Variants in ICA1L observed in about 807,000 individuals in gnomAD.
The protein encoded by ICA1L is islet cell autoantigen 1 like, also known as islet cell autoantigen 1-like protein.
ICA1L carries 50 observed loss-of-function variants against 61.3 expected under a neutral mutation model. That is an observed-to-expected ratio of 0.82 (90% CI 0.65 to 1.03). ICA1L has a LOEUF of 1.03. Among genes scored for constraint, ICA1L ranks in the 50% least tolerant of loss-of-function variants. The probability of loss-of-function intolerance (pLI) is 0.00; values close to 1 mark genes in which losing one functional copy is unlikely to be tolerated. For missense variants in ICA1L, 508 were observed against 556.7 expected, an observed-to-expected ratio of 0.91 and a Z score of 0.88; for synonymous variants, 161 against 191.3, an observed-to-expected ratio of 0.84 and a Z score of 1.31.
intron 1 of ICA1L, among the ~76,000 whole-genome samples, chr2:202,870,307 G>A (rs1687660038): frequency 6.6e-6 from 1 of 151,836 alleles, no homozygotes; most frequent in African/African-American, 2.4e-5. Context: ...TCTCATATTT[G>A]CAATTTTTCC....
intron 3 of ICA1L, 41 bp from the exon 4 acceptor site, chr2:202,821,522 T>C: frequency 6.7e-7 from 1 of 1,501,350 alleles, no homozygotes; most frequent in Non-Finnish European, 9.1e-7. Flanking sequence ...TTTCCTTTCA[T>C]CATTTGTTTA....
chr2:202,847,136 T>C (rs1313500574), intron 1 of ICA1L, among the ~76,000 whole-genome samples: 1 of 152,206 alleles, frequency 6.6e-6, no homozygotes, highest in African/African-American at 2.4e-5. Context: ...GCAGAGAGAC[T>C]AAACACAGAG....
intron 6 of ICA1L, 90 bp from the exon 7 acceptor site, chr2:202,816,099 C>A (rs993484239): frequency 4.1e-6 from 3 of 726,202 alleles, no homozygotes; most frequent in Admixed American, 3.5e-5. Context: ...AGTAGATGAA[C>A]AGTTGCCAAA....
chr2:202,821,685 A>C (rs1693706153), intron 3 of ICA1L: 1 of 348,118 alleles, frequency 2.9e-6, no homozygotes, highest in East Asian at 6.0e-5. Flanking sequence ...CTGGCTTCTT[A>C]TCAGCACTCC....
chr2:202,808,820 G>T (rs765444652), intron 9 of ICA1L, among the ~76,000 whole-genome samples: 7 of 152,206 alleles, frequency 4.6e-5, no homozygotes, highest in Non-Finnish European at 8.8e-5. Flanking sequence ...ACTGGGCTTG[G>T]GGTGCCCCTG....
At chr2:202,868,969 AAACAAC>A (rs371799768) in intron 1 of ICA1L, among the ~76,000 whole-genome samples, 57 of 151,792 alleles carry the variant, frequency 3.8e-4, no homozygotes, top group Admixed American at 1.2e-3. Context: ...CTCTGTCTCA[AAACAAC>A]AACAACAACA....
Position 202,775,207 on chromosome 2 carries a change from C to T in ICA1L, c.*4326G>A, listed in dbSNP as rs1318673893. 6.6e-6 allele frequency: 1 copy of T among 152,146 alleles called. No homozygotes were observed. Among genetic ancestry groups the T allele is most frequent in the Non-Finnish European group, 1.5e-5 (1 of 68,024 alleles). 9.4% of individuals were successfully genotyped at this position (152,146 alleles called of 1,614,324 possible). ...TCTACTAAATTAATATTTTAAAGTT[C>T]GTTTTTCCTTCCTAATTTCTATATT... On this transcript the variant is annotated 3_prime_UTR_variant, in exon 13 of 13. Transcript: ENST00000358299.
At chr2:202,866,676 G>A (rs979920672) in intron 1 of ICA1L, among the ~76,000 whole-genome samples, 2 of 152,176 alleles carry the variant, frequency 1.3e-5, no homozygotes, top group Non-Finnish European at 2.9e-5. Flanking sequence ...GGCGAGGCGC[G>A]GTAGCTCACG....
intron 1 of ICA1L, among the ~76,000 whole-genome samples, chr2:202,865,253 G>A (rs1204180425): frequency 6.6e-6 from 1 of 151,936 alleles, no homozygotes; most frequent in Non-Finnish European, 1.5e-5. Flanking sequence ...CGGGTCACTT[G>A]AGGTCAGGGG....
intron 8 of ICA1L, among the ~76,000 whole-genome samples, chr2:202,812,237 T>C (rs1693397718): frequency 6.6e-6 from 1 of 152,236 alleles, no homozygotes; most frequent in African/African-American, 2.4e-5. Flanking sequence ...TCAATACTAA[T>C]TTTGGATATT....
chr2:202,827,833 G>A (rs1221595660), intron 2 of ICA1L, among the ~76,000 whole-genome samples: 1 of 152,072 alleles, frequency 6.6e-6, no homozygotes, highest in Admixed American at 6.5e-5. Flanking sequence ...TGGCAATGAG[G>A]TAAGTTTACT....
intron 4 of ICA1L, 192 bp from the exon 5 acceptor site, chr2:202,820,091 T>C (rs1226264682): frequency 1.7e-6 from 1 of 575,668 alleles, no homozygotes; most frequent in Non-Finnish European, 3.1e-6. Context: ...AAAGATGTGT[T>C]GGCCGGGCGC....
At chr2:202,814,493 G>A (rs1182724453) in intron 8 of ICA1L, among the ~76,000 whole-genome samples, 4 of 152,128 alleles carry the variant, frequency 2.6e-5, no homozygotes, top group Non-Finnish European at 5.9e-5. Flanking sequence ...AGAACCATGA[G>A]CTAAACTTTT....
intron 1 of ICA1L, among the ~76,000 whole-genome samples, chr2:202,848,215 G>A (rs933245300): frequency 2.0e-5 from 3 of 152,190 alleles, no homozygotes; most frequent in Non-Finnish European, 2.9e-5. Flanking sequence ...CACCTGCCTC[G>A]GTCTGCCAAA....
chr2:202,805,344 A>G (rs1371403602), intron 9 of ICA1L, among the ~76,000 whole-genome samples: 4 of 152,372 alleles, frequency 2.6e-5, no homozygotes, highest in Non-Finnish European at 4.4e-5. Context: ...AGTGAGTTTC[A>G]TAATACATAA....
intron 10 of ICA1L, among the ~76,000 whole-genome samples, chr2:202,793,160 A>C (rs994056456): frequency 2.0e-5 from 3 of 152,160 alleles, no homozygotes; most frequent in Non-Finnish European, 4.4e-5. Flanking sequence ...GAGCTGTTAA[A>C]AATAAAAAGA....
At chr2:202,864,835 A>T (rs1318660771) in intron 1 of ICA1L, among the ~76,000 whole-genome samples, 1 of 152,090 alleles carries the variant, frequency 6.6e-6, no homozygotes, top group Non-Finnish European at 1.5e-5. Context: ...CCTGGCCAAC[A>T]TGGTGAAACT....
intron 1 of ICA1L, among the ~76,000 whole-genome samples, chr2:202,863,109 T>C (rs943353049): frequency 2.6e-5 from 4 of 151,736 alleles, no homozygotes; most frequent in Admixed American, 2.6e-4. Context: ...CTGGCCAACA[T>C]GGTGAAACCC....
intron 6 of ICA1L, among the ~76,000 whole-genome samples, chr2:202,816,311 G>A (rs1693532937): frequency 6.6e-6 from 1 of 152,090 alleles, no homozygotes; most frequent in South Asian, 2.1e-4. Flanking sequence ...GAACATCTGA[G>A]ATATCAAAAA....
Sources: allele counts gnomAD v4.1 joint callset (sites outside exome capture counted in the v4.1 genomes callset), GRCh38; gene constraint gnomAD v4.1.1; transcripts MANE v1.5; gene names NCBI Gene and HGNC (gene_info 2026-07-23, HGNC 2026-07-21).